CAPSL: variants seen among roughly 807,000 people sequenced by gnomAD.
CAPSL encodes calcyphosin-like protein.
A neutral mutation model predicts 21.3 loss-of-function variants in CAPSL; 17 were observed. The observed-to-expected ratio is 0.80, with a 90% confidence interval of 0.55 to 1.20. CAPSL has a LOEUF of 1.20. Among genes scored for constraint, CAPSL ranks in the 50% most tolerant of loss-of-function variants. CAPSL has a pLI of 0.00. For synonymous variants in CAPSL, 102 were observed against 89.3 expected (o/e 1.14, Z -0.80); for missense variants, 289 against 259.3 (o/e 1.11, Z -0.79).
At chr5:35,931,903 G>A (rs1320865183) in intron 1 of CAPSL, among the ~76,000 whole-genome samples, 1 of 152,164 alleles carries the variant, frequency 6.6e-6, no homozygotes, top group East Asian at 1.9e-4. Flanking sequence ...CAAGGACAAA[G>A]CCCAACTGGT....
intron 1 of CAPSL, among the ~76,000 whole-genome samples, chr5:35,934,737 T>C (rs1052128252): frequency 1.3e-5 from 2 of 152,204 alleles, no homozygotes; most frequent in African/African-American, 4.8e-5. Flanking sequence ...ACCTTTCTTG[T>C]CCCTTCTGAC....
chr5:35,928,869 A>G (rs1738749778), intron 1 of CAPSL, among the ~76,000 whole-genome samples: 2 of 152,196 alleles, frequency 1.3e-5, no homozygotes, highest in South Asian at 4.1e-4. Context: ...TTGAAAAACA[A>G]AGATGCCCAC....
chr5:35,919,041 T>C (rs1738463188), intron 2 of CAPSL, among the ~76,000 whole-genome samples: 1 of 151,836 alleles, frequency 6.6e-6, no homozygotes, highest in African/African-American at 2.4e-5. Flanking sequence ...CCGTAGGGGC[T>C]GCAGAAGAAG....
At chr5:35,914,949 T>G (rs1738332732) in intron 2 of CAPSL, among the ~76,000 whole-genome samples, 1 of 151,816 alleles carries the variant, frequency 6.6e-6, no homozygotes, top group African/African-American at 2.4e-5. Flanking sequence ...TCAACAAAAT[T>G]GATAGAACTC....
In CAPSL at chr5:35,910,459, G is replaced by T. The variant is rs763014353; in HGVS notation, c.222C>A (p.Val74=). 2 of 1,612,982 alleles carry T rather than the reference G, an allele frequency of 1.2e-6. No homozygotes were observed. Among genetic ancestry groups the T allele is most frequent in the Admixed American group, 3.3e-5 (2 of 59,992 alleles). ...FMKGLNDYAV[V]MEKEEVEELF... The stretch of plus-strand genomic sequence containing the variant: ...GTTCTTCCACCTCTTCTTTTTCCAT[G>T]ACCACAGCATAATCATTTAACCCTT... Residue 74 remains valine (V), a synonymous_variant, in exon 3 of 5, where the codon GTC becomes GTA. Transcript: ENST00000651391.
intron 1 of CAPSL, among the ~76,000 whole-genome samples, chr5:35,935,890 C>A (rs547150967): frequency 1.3e-5 from 2 of 152,168 alleles, no homozygotes; most frequent in Non-Finnish European, 2.9e-5. Context: ...AGAATAATAG[C>A]TAACTTGGTT....
chr5:35,910,646 T>C, intron 2 of CAPSL, 103 bp from the exon 3 acceptor site: 1 of 878,952 alleles, frequency 1.1e-6, no homozygotes, highest in East Asian at 2.7e-5. Context: ...CAAATTAAAA[T>C]ACAAAAGTCT....
chr5:35,909,612 A>T (rs929992924), intron 4 of CAPSL, among the ~76,000 whole-genome samples: 1 of 152,196 alleles, frequency 6.6e-6, no homozygotes, highest in South Asian at 2.1e-4. Context: ...ACTTATGTGG[A>T]TCCCCTACCA....
In CAPSL at chr5:35,910,514, T is replaced by A; in HGVS notation, c.167A>T (p.Asn56Ile). 6.2e-7 allele frequency: 1 copy of A among 1,610,218 alleles called. No homozygotes were observed. Among genetic ancestry groups the A allele is most frequent in the South Asian group, 1.1e-5 (1 of 90,470 alleles). Reference sequence around the variant, plus strand: ...AAATTCTTTAAAATCAAGGGTTCGATTATTATCGTCATCCATAATTCTAAA... The same window carrying A: ...AAATTCTTTAAAATCAAGGGTTCGAATATTATCGTCATCCATAATTCTAAA... ...RVFRIMDDDN[N>I]RTLDFKEFMK... Residue 56 changes from asparagine (N) to isoleucine (I), a missense_variant, in exon 3 of 5, where the codon AAT (asparagine) becomes ATT (isoleucine). Physicochemically the swap from Asn to Ile is moderately radical, Grantham distance 149 (BLOSUM62 -3). Coordinates refer to ENST00000651391, the MANE Select transcript of CAPSL (RefSeq NM_001042625.2).
At chr5:35,933,474 T>C (rs1330647604) in intron 1 of CAPSL, among the ~76,000 whole-genome samples, 1 of 152,204 alleles carries the variant, frequency 6.6e-6, no homozygotes, top group African/African-American at 2.4e-5. Flanking sequence ...CAGCCTTTTG[T>C]AAATTATCCA....
intron 1 of CAPSL, among the ~76,000 whole-genome samples, chr5:35,926,913 TC>T (rs1215657764): frequency 6.6e-6 from 1 of 152,226 alleles, no homozygotes; most frequent in Non-Finnish European, 1.5e-5. Context: ...AAAAGACCGT[TC>T]CTTGAAAGGG....
chr5:35,924,896 T>G (rs1009658942), intron 1 of CAPSL, among the ~76,000 whole-genome samples: 4 of 152,182 alleles, frequency 2.6e-5, no homozygotes, highest in Non-Finnish European at 5.9e-5. Flanking sequence ...GAAGTTTCAA[T>G]AAAGGCGCCA....
intron 4 of CAPSL, among the ~76,000 whole-genome samples, chr5:35,906,195 G>A (rs914934774): frequency 7.2e-4 from 110 of 152,172 alleles, no homozygotes; most frequent in African/African-American, 2.6e-3. Context: ...TCAAACTCCC[G>A]ATATTTTTAG....
intron 2 of CAPSL, among the ~76,000 whole-genome samples, chr5:35,912,779 T>A (rs1580882510): frequency 6.6e-6 from 1 of 152,202 alleles, no homozygotes; most frequent in Non-Finnish European, 1.5e-5. Context: ...GCAGAAAAAC[T>A]GGAAACTCTA....
chr5:35,920,906 C>T, intron 2 of CAPSL, 78 bp downstream of exon 2: 1 of 1,496,330 alleles, frequency 6.7e-7, no homozygotes. Flanking sequence ...TCCCCAAGAC[C>T]ACGTGGCCAA....
chr5:35,912,554 A>C (rs565116606), intron 2 of CAPSL, among the ~76,000 whole-genome samples: 1 of 152,182 alleles, frequency 6.6e-6, no homozygotes, highest in South Asian at 2.1e-4. Context: ...CTGTTCACCA[A>C]TATCTGCTGT....
At chr5:35,938,074 T>C (rs1259683262) in intron 1 of CAPSL, among the ~76,000 whole-genome samples, 1 of 152,206 alleles carries the variant, frequency 6.6e-6, no homozygotes, top group African/African-American at 2.4e-5. Flanking sequence ...TGTCAGTGTA[T>C]AGCAGAAATA....
intron 2 of CAPSL, among the ~76,000 whole-genome samples, chr5:35,919,198 G>A (rs1021466074): frequency 7.7e-6 from 1 of 130,160 alleles, no homozygotes; most frequent in Admixed American, 7.6e-5. Flanking sequence ...TATAAAAATT[G>A]TGAAATTAGT....
chr5:35,932,433 A>C (rs992111280), intron 1 of CAPSL, among the ~76,000 whole-genome samples: 2 of 152,286 alleles, frequency 1.3e-5, no homozygotes, highest in African/African-American at 4.8e-5. Context: ...GAAAAAGGGC[A>C]AAAGGCAAGA....
Sources: allele counts gnomAD v4.1 joint callset (sites outside exome capture counted in the v4.1 genomes callset), GRCh38; gene constraint gnomAD v4.1.1; transcripts MANE v1.5; gene names NCBI Gene and HGNC (gene_info 2026-07-23, HGNC 2026-07-21).